CNTN5: variants seen among roughly 807,000 people sequenced by gnomAD.
CNTN5 encodes the protein contactin-5.
Under a neutral mutation model 129.1 loss-of-function variants are expected in CNTN5, and 77 were observed. The ratio of observed to expected loss-of-function variants is 0.60; its 90% CI spans 0.50 to 0.72. The LOEUF (loss-of-function observed/expected upper bound fraction) is 0.72, where lower values mean the gene tolerates loss of function less well. CNTN5 is among the 30% of genes least tolerant of loss of function. The probability of loss-of-function intolerance (pLI) is 0.00; values close to 1 mark genes in which losing one functional copy is unlikely to be tolerated. For missense variants in CNTN5, 1,478 were observed against 1,328.8 expected, an observed-to-expected ratio of 1.11 and a Z score of -1.75; for synonymous variants, 509 against 465.6, an observed-to-expected ratio of 1.09 and a Z score of -1.20.
chr11:100,164,954 G>A (rs554804959), intron 13 of CNTN5, among the ~76,000 whole-genome samples: 3 of 151,816 alleles, frequency 2.0e-5, no homozygotes, highest in African/African-American at 7.2e-5. Flanking sequence ...ATAAAATATT[G>A]TATAAATGTA....
intron 18 of CNTN5, among the ~76,000 whole-genome samples, chr11:100,277,629 T>C (rs113031866): frequency 0.03 from 4,611 of 152,250 alleles, 101 homozygotes; most frequent in Middle Eastern, 0.054. Context: ...TTGAGAAATG[T>C]CTTTTCAAAT....
chr11:100,063,541 A>G (rs957306676), intron 10 of CNTN5, among the ~76,000 whole-genome samples: 1 of 152,002 alleles, frequency 6.6e-6, no homozygotes, highest in Non-Finnish European at 1.5e-5. Context: ...TCAGGAGGCC[A>G]TACACCTTGC....
intron 3 of CNTN5, among the ~76,000 whole-genome samples, chr11:99,557,699 T>C (rs1270149729): frequency 6.6e-6 from 1 of 151,500 alleles, no homozygotes; most frequent in Non-Finnish European, 1.5e-5. Flanking sequence ...TTCAATTATG[T>C]ATGATATATG....
At chr11:99,870,081 C>A (rs1331410902) in intron 6 of CNTN5, among the ~76,000 whole-genome samples, 2 of 151,990 alleles carry the variant, frequency 1.3e-5, no homozygotes, top group African/African-American at 4.8e-5. Flanking sequence ...CTGGGAATAG[C>A]ATAATAAATG....
chr11:99,250,435 A>G (rs1484152336), intron 1 of CNTN5, among the ~76,000 whole-genome samples: 1 of 151,972 alleles, frequency 6.6e-6, no homozygotes, highest in Admixed American at 6.6e-5. Context: ...TAAATTGTTA[A>G]TTCACTGATA....
chr11:99,560,008 G>A (rs919942013), intron 3 of CNTN5, among the ~76,000 whole-genome samples: 3 of 152,136 alleles, frequency 2.0e-5, no homozygotes, highest in Non-Finnish European at 4.4e-5. Flanking sequence ...GAGAAAAGCT[G>A]TGGAGACTAT....
chr11:99,082,223 G>A (rs1258427460), intron 1 of CNTN5, among the ~76,000 whole-genome samples: 3 of 137,268 alleles, frequency 2.2e-5, no homozygotes, highest in African/African-American at 5.5e-5. Flanking sequence ...GTCTTGCCCT[G>A]TCGTCAGGCT....
At chr11:99,741,190 T>A (rs757984338) in intron 3 of CNTN5, among the ~76,000 whole-genome samples, 8 of 152,156 alleles carry the variant, frequency 5.3e-5, no homozygotes, top group Non-Finnish European at 8.8e-5. Context: ...GTTTAAATTA[T>A]TGGGATTCTA....
chr11:99,769,815 CA>C (rs10667902), intron 3 of CNTN5, among the ~76,000 whole-genome samples: 75 of 128,358 alleles, frequency 5.8e-4, no homozygotes, highest in African/African-American at 8.3e-4. Flanking sequence ...GACCCCGTCT[CA>C]AAAAAAAAAA....
At chr11:100,086,623 A>T (rs1052720346) in intron 13 of CNTN5, among the ~76,000 whole-genome samples, 5 of 151,442 alleles carry the variant, frequency 3.3e-5, no homozygotes, top group Admixed American at 6.6e-5. Context: ...CAAATATATC[A>T]GAAATTACTG....
intron 1 of CNTN5, among the ~76,000 whole-genome samples, chr11:99,081,025 G>T (rs1250957666): frequency 7.1e-6 from 1 of 140,254 alleles, no homozygotes; most frequent in Non-Finnish European, 1.5e-5. Context: ...CCTGTTGTCA[G>T]GAAGCTATGG....
At chr11:99,695,603 A>G (rs2134823829) in intron 3 of CNTN5, among the ~76,000 whole-genome samples, 1 of 152,136 alleles carries the variant, frequency 6.6e-6, no homozygotes, top group South Asian at 2.1e-4. Flanking sequence ...TAAGAACACT[A>G]AGGGCCAGGC....
At chr11:100,194,911 G>A (rs568670586) in intron 15 of CNTN5, among the ~76,000 whole-genome samples, 1 of 149,468 alleles carries the variant, frequency 6.7e-6, no homozygotes. Context: ...CCAATTAATA[G>A]GAGAGAGTAT....
chr11:99,690,455 C>T (rs990085548), intron 3 of CNTN5, among the ~76,000 whole-genome samples: 1 of 152,006 alleles, frequency 6.6e-6, no homozygotes, highest in Non-Finnish European at 1.5e-5. Context: ...CGGGCTCTTT[C>T]TTGGTTCCTT....
intron 21 of CNTN5, among the ~76,000 whole-genome samples, chr11:100,315,327 A>G (rs904491287): frequency 6.6e-6 from 1 of 152,178 alleles, no homozygotes; most frequent in Non-Finnish European, 1.5e-5. Context: ...AACTAACCCA[A>G]CACTTTCAAG....
At chr11:99,396,721 G>A (rs1042766138) in intron 2 of CNTN5, among the ~76,000 whole-genome samples, 2 of 151,614 alleles carry the variant, frequency 1.3e-5, no homozygotes, top group Non-Finnish European at 3.0e-5. Context: ...CAGCCAAACA[G>A]TTAGGAGATA....
chr11:100,130,638 C>T (rs1055805588), intron 13 of CNTN5, among the ~76,000 whole-genome samples: 2 of 151,942 alleles, frequency 1.3e-5, no homozygotes, highest in African/African-American at 2.4e-5. Flanking sequence ...CCACAGGATG[C>T]CATGGGTTTG....
intron 2 of CNTN5, among the ~76,000 whole-genome samples, chr11:99,444,548 T>G (rs1032005506): frequency 6.6e-6 from 1 of 152,198 alleles, no homozygotes; most frequent in African/African-American, 2.4e-5. Flanking sequence ...CTATCCTTTA[T>G]TCTTGTATAA....
intron 3 of CNTN5, among the ~76,000 whole-genome samples, chr11:99,764,479 G>A (rs1280669466): frequency 3.3e-5 from 5 of 152,120 alleles, no homozygotes; most frequent in African/African-American, 4.8e-5. Flanking sequence ...ACAATGGCGT[G>A]ATCTTGGCTC....
Sources: gnomAD v4.1 joint callset for allele counts (sites outside exome capture counted in the v4.1 genomes callset) on GRCh38, gnomAD v4.1.1 for gene constraint, MANE v1.5 for transcripts, NCBI Gene and HGNC (gene_info 2026-07-23, HGNC 2026-07-21) for gene names.